The following MTM1 variants were observed in gnomAD, a reference collection of about 807,000 sequenced individuals.
The protein encoded by MTM1 is myotubularin.
In MTM1, 9 loss-of-function variants were observed where a neutral mutation model predicts 52.1. The observed-to-expected ratio is 0.17, with a 90% confidence interval of 0.10 to 0.30. The LOEUF is 0.30. MTM1 is among the 10% of genes least tolerant of loss of function. The probability of loss-of-function intolerance (pLI) is 1.00; values close to 1 mark genes in which losing one functional copy is unlikely to be tolerated. For missense variants in MTM1, 277 were observed against 470.7 expected (o/e 0.59, Z 3.81); for synonymous variants, 136 against 163.8 (o/e 0.83, Z 1.29).
chrX:150,667,954 G>T (rs2148520201), intron 14 of MTM1, among the ~76,000 whole-genome samples: 1 of 112,432 alleles, frequency 8.9e-6, no homozygotes. Flanking sequence ...CTTTGCAGTT[G>T]TGATTAAGTT....
In MTM1 at chrX:150,671,795, A is replaced by C. The variant is rs1166350971; in HGVS notation, c.*200A>C. On this transcript the variant is annotated 3_prime_UTR_variant, in exon 15 of 15. Transcript: ENST00000370396. Reference sequence around the variant, plus strand: ...GTCCACACGGCAATCAGAAGAAAGGAGCTGAGATGAGGTTTTGGAAAACCC... The same window carrying C: ...GTCCACACGGCAATCAGAAGAAAGGCGCTGAGATGAGGTTTTGGAAAACCC... 1 of 470,495 alleles carries C rather than the reference A, an allele frequency of 2.1e-6. No individual in the cohort carries two copies. Among genetic ancestry groups the C allele is most frequent in the East Asian group, 3.8e-5 (1 of 26,622 alleles). The allele number at this position is 470,495 out of a possible 1,213,427, so 38.8% of individuals were successfully genotyped here.
intron 1 of MTM1, among the ~76,000 whole-genome samples, chrX:150,578,599 A>G (rs967171528): frequency 1.1e-4 from 12 of 112,137 alleles, no homozygotes; most frequent in African/African-American, 3.9e-4. Flanking sequence ...ATTTTTCCAT[A>G]TGGACATCAA....
rs1168230928 is a variant in MTM1 at position 150,662,073 on chromosome X, TG to T, written c.1468-1355del. Among the ~76,000 whole-genome samples, 3 of 111,582 alleles carry T rather than the reference TG, an allele frequency of 2.7e-5. No homozygotes were observed. In the East Asian group the frequency reaches 8.4e-4, roughly 31 times the overall value. On this transcript the variant is annotated intron_variant, in intron 13 of 14. Coordinates refer to ENST00000370396, the MANE Select transcript of MTM1 (RefSeq NM_000252.3). ...TTTATTTGTCAGTTGTAAATAATACTGGGGGAAAAACACAATTGTTTCTGGG... is the reference window on the plus strand; with the variant it reads ...TTTATTTGTCAGTTGTAAATAATACTGGGGAAAAACACAATTGTTTCTGGG...
Position 150,671,824 on chromosome X carries a change from C to T in MTM1, c.*229C>T. On this transcript the variant is annotated 3_prime_UTR_variant, in exon 15 of 15. Coordinates refer to ENST00000370396, the MANE Select transcript of MTM1 (RefSeq NM_000252.3). The stretch of plus-strand genomic sequence containing the variant: ...GAGATGAGGTTTTGGAAAACCCTGA[C>T]ACCTTTAAAAAGCAGTTTTTGAAAG... 3 of 430,585 alleles carry T rather than the reference C, an allele frequency of 7.0e-6. No homozygotes were observed. The allele number at this position is 430,585 out of a possible 1,213,427, so 35.5% of individuals were successfully genotyped here.
In MTM1 at chrX:150,596,579, CTGCTGACATAAGATT is replaced by C. The variant is rs1569565383; in HGVS notation, c.136+13_136+27del. The stretch of plus-strand genomic sequence containing the variant: ...AGAAACACTAATCACTGGTAAGGAC[CTGCTGACATAAGATT>C]TGCATAACTTGAGGAGAAGTCTGGC... On this transcript the variant is annotated intron_variant, in intron 3 of 14. Coordinates refer to ENST00000370396, the MANE Select transcript of MTM1 (RefSeq NM_000252.3). The C allele has an allele frequency of 5.9e-6, 7 of 1,195,304 alleles. No homozygotes were observed. Among genetic ancestry groups the C allele is most frequent in the Non-Finnish European group, 7.9e-6 (7 of 880,963 alleles).
intron 1 of MTM1, among the ~76,000 whole-genome samples, chrX:150,573,923 C>G (rs1557411539): frequency 1.8e-5 from 2 of 111,969 alleles, no homozygotes; most frequent in African/African-American, 3.3e-5. Flanking sequence ...AAAGTTTGCA[C>G]TTGGTTTCAG....
chrX:150,608,461 C>T (rs1038038053), intron 4 of MTM1, among the ~76,000 whole-genome samples: 1 of 111,968 alleles, frequency 8.9e-6, no homozygotes, highest in Non-Finnish European at 1.9e-5. Flanking sequence ...TCAAGCGATC[C>T]GCCTGCCTCC....
intron 1 of MTM1, among the ~76,000 whole-genome samples, chrX:150,578,934 T>C (rs1265239053): frequency 9.0e-6 from 1 of 110,640 alleles, no homozygotes; most frequent in East Asian, 2.8e-4. Flanking sequence ...TTGATAGGGA[T>C]TTCATTGACT....
chrX:150,607,893 TAAC>T (rs1460596384), intron 4 of MTM1, among the ~76,000 whole-genome samples: 95 of 111,851 alleles, frequency 8.5e-4, no homozygotes, highest in African/African-American at 3.0e-3. Context: ...CAATATATAA[TAAC>T]AAGCTGTGAT....
At chrX:150,605,106 A>G (rs2039132850) in intron 4 of MTM1, among the ~76,000 whole-genome samples, 1 of 112,259 alleles carries the variant, frequency 8.9e-6, no homozygotes, top group African/African-American at 3.2e-5. Context: ...CTTATGAAAA[A>G]TAACATAAAT....
intron 1 of MTM1, among the ~76,000 whole-genome samples, chrX:150,580,246 A>G (rs1372276305): frequency 8.9e-6 from 1 of 112,106 alleles, no homozygotes; most frequent in Non-Finnish European, 1.9e-5. Flanking sequence ...TCAGGAAGAT[A>G]GCACACCTCA....
intron 1 of MTM1, among the ~76,000 whole-genome samples, chrX:150,572,477 A>C (rs1557411488): frequency 8.9e-6 from 1 of 111,985 alleles, no homozygotes; most frequent in African/African-American, 3.3e-5. Flanking sequence ...TCATTAAAAT[A>C]TGCAGGTATT....
chrX:150,623,770 G>A (rs781981244), intron 6 of MTM1, among the ~76,000 whole-genome samples: 4 of 110,796 alleles, frequency 3.6e-5, no homozygotes, highest in African/African-American at 1.3e-4. Context: ...ATGTGGGAGT[G>A]TGCCAAAAAG....
intron 6 of MTM1, among the ~76,000 whole-genome samples, chrX:150,632,819 G>C (rs886461812): frequency 9.0e-6 from 1 of 111,336 alleles, no homozygotes; most frequent in Non-Finnish European, 1.9e-5. Context: ...GGTTGAGATG[G>C]GGAACATAGG....
intron 6 of MTM1, among the ~76,000 whole-genome samples, chrX:150,637,585 TA>T (rs1316767273): frequency 1.8e-5 from 2 of 112,087 alleles, no homozygotes; most frequent in Non-Finnish European, 3.8e-5. Context: ...CAAATGGTCA[TA>T]AGTGATAGGG....
chrX:150,645,980 T>A, intron 9 of MTM1, 109 bp downstream of exon 9: 1 of 703,946 alleles, frequency 1.4e-6, no homozygotes, highest in Non-Finnish European at 2.2e-6. Context: ...AATTAATAGT[T>A]AAGAAAACCA....
intron 1 of MTM1, among the ~76,000 whole-genome samples, chrX:150,585,872 C>T (rs2038777927): frequency 1.8e-5 from 2 of 111,849 alleles, no homozygotes; most frequent in African/African-American, 6.5e-5. Flanking sequence ...TAAAGTTACC[C>T]TGTTCCATGG....
intron 11 of MTM1, 121 bp from the exon 12 acceptor site, chrX:150,659,543 C>T (rs1603206202): frequency 3.7e-6 from 2 of 546,842 alleles, no homozygotes; most frequent in East Asian, 7.1e-5. Flanking sequence ...ATTATTTCCT[C>T]TCTGAGAAAC....
At chrX:150,617,484 G>A (rs1307267750) in intron 5 of MTM1, among the ~76,000 whole-genome samples, 2 of 112,382 alleles carry the variant, frequency 1.8e-5, no homozygotes, top group Non-Finnish European at 3.8e-5. Flanking sequence ...GAGGTGATAT[G>A]AATGGGTTGT....
Sources: allele counts gnomAD v4.1 joint callset (sites outside exome capture counted in the v4.1 genomes callset), GRCh38; gene constraint gnomAD v4.1.1; transcripts MANE v1.5; gene names NCBI Gene and HGNC (gene_info 2026-07-23, HGNC 2026-07-21).